The following PRR20G variants were observed in gnomAD, a reference collection of about 807,000 sequenced individuals.
PRR20G encodes the protein proline rich 20G.
intron 2 of PRR20G, among the ~76,000 whole-genome samples, chr3:127,286,722 G>A (rs1235163575): frequency 6.6e-6 from 1 of 152,256 alleles, no homozygotes; most frequent in African/African-American, 2.4e-5. Context: ...TGGAGTGGCA[G>A]CTGGGAGGTG....
At position 127,284,131 on chromosome 3, in the gene PRR20G, A is replaced by G. The variant is rs9858829; in HGVS notation, c.562T>C (p.Cys188Arg). 0.83 allele frequency: 126,181 copies of G among 152,300 alleles called. 52,507 individuals are homozygous for G. The highest frequency in any genetic ancestry group is 0.9 in the African/African-American group (37,397 of 41,492). The allele number at this position is 152,300 out of a possible 1,614,324, so 9.4% of individuals were successfully genotyped here. Reference protein sequence around the residue: ...FRPPGGSSTLCIVQTSNSTIV... With the variant: ...FRPPGGSSTLRIVQTSNSTIV... ...GTGCTATTAGAGGTCTGCACGATGC[A>G]CAAAGTAGATGAGCCACCCGGAGGC... is the stretch of plus-strand genomic sequence containing the variant. Residue 188 changes from cysteine to arginine, a missense_variant, in exon 3 of 3, where the codon TGC becomes CGC. Transcript: ENST00000465482.
intron 2 of PRR20G, among the ~76,000 whole-genome samples, chr3:127,285,380 C>T (rs2080382077): frequency 6.6e-6 from 1 of 151,916 alleles, no homozygotes; most frequent in Non-Finnish European, 1.5e-5. Context: ...TTCCAGGTGA[C>T]AGGGGGGCCG....
At chr3:127,287,498 G>A (rs1414905707) in intron 1 of PRR20G, among the ~76,000 whole-genome samples, 126 bp from the exon 2 acceptor site, 1 of 152,192 alleles carries the variant, frequency 6.6e-6, no homozygotes, top group Non-Finnish European at 1.5e-5. Flanking sequence ...GCCGCTCGCG[G>A]GTCTCAGAGC....
Position 127,283,905 on chromosome 3 carries a change from T to C in PRR20G, c.*155A>G, listed in dbSNP as rs953800277. On this transcript the variant is annotated 3_prime_UTR_variant, in exon 3 of 3. Transcript: ENST00000465482. ...AGCAGATGGACTACTGTCAGGATCC[T>C]GGGAGGAGGACTTGGAGGCTCATGA... is the stretch of plus-strand genomic sequence containing the variant. Among the ~76,000 whole-genome samples the C allele has an allele frequency of 6.6e-6, 1 of 152,082 alleles. No individual in the cohort carries two copies. The highest frequency in any genetic ancestry group is 6.5e-5 in the Admixed American group (1 of 15,268).
At chr3:127,285,676 C>T (rs1277644276) in intron 2 of PRR20G, among the ~76,000 whole-genome samples, 4 of 152,156 alleles carry the variant, frequency 2.6e-5, no homozygotes, top group Non-Finnish European at 4.4e-5. Context: ...TCTGTGGAAC[C>T]CAATCAACAA....
At chr3:127,287,444 C>G (rs891302367) in intron 1 of PRR20G, among the ~76,000 whole-genome samples, 72 bp from the exon 2 acceptor site, 1 of 152,170 alleles carries the variant, frequency 6.6e-6, no homozygotes, top group Non-Finnish European at 1.5e-5. Context: ...CCAAGCGTCA[C>G]GCAGCGATGC....
At chr3:127,286,335 T>C (rs2080387239) in intron 2 of PRR20G, among the ~76,000 whole-genome samples, 1 of 152,332 alleles carries the variant, frequency 6.6e-6, no homozygotes, top group South Asian at 2.1e-4. Flanking sequence ...CACCCAAAAT[T>C]TGATATCCAA....
Position 127,285,510 on chromosome 3 carries a change from G to T in PRR20G, c.53-870C>A, listed in dbSNP as rs563091774. ...AGCAATGGAACAGAACAGGAAGTCC[G>T]AAACTAGACAAACGTCTACAGAAAT... On this transcript the variant is annotated intron_variant, in intron 2 of 2. Transcript: ENST00000465482. 1.1e-3 allele frequency among the ~76,000 whole-genome samples: 164 copies of T among 152,276 alleles called. 3 individuals are homozygous for T. The highest frequency in any genetic ancestry group is 1.5e-3 in the Non-Finnish European group (101 of 68,020).
rs1274044746 is a variant in PRR20G at position 127,287,868 on chromosome 3, C to T, written c.-8+11G>A. On this transcript the variant is annotated intron_variant, in intron 1 of 2. Transcript: ENST00000465482. ...ACTCTACCCACCCCTCAGGGACACC[C>T]AGACACACACCTGATCTCCCTGCAG... Among the ~76,000 whole-genome samples, 1 of 152,180 alleles carries T rather than the reference C, an allele frequency of 6.6e-6. No individual in the cohort carries two copies. Among genetic ancestry groups the T allele is most frequent in the Non-Finnish European group, 1.5e-5 (1 of 68,020 alleles).
chr3:127,287,522 C>T (rs2080393338), intron 1 of PRR20G, among the ~76,000 whole-genome samples, 150 bp from the exon 2 acceptor site: 1 of 152,172 alleles, frequency 6.6e-6, no homozygotes, highest in Non-Finnish European at 1.5e-5. Context: ...TGCACTGAGC[C>T]CGCGGGGCGC....
At chr3:127,285,613 C>T (rs1166794024) in intron 2 of PRR20G, among the ~76,000 whole-genome samples, 1 of 152,134 alleles carries the variant, frequency 6.6e-6, no homozygotes, top group East Asian at 1.9e-4. Flanking sequence ...AAGAAAAAGT[C>T]CCAAGAAACT....
Position 127,284,269 on chromosome 3 carries a change from C to G in PRR20G, c.424G>C (p.Gly142Arg), listed in dbSNP as rs555530006. Residue 142 changes from glycine (G) to arginine (R), a missense_variant, in exon 3 of 3, where the codon GGC (glycine) becomes CGC (arginine). Physicochemically the swap from Gly to Arg is moderately radical, Grantham distance 125. Coordinates refer to ENST00000465482, the MANE Select transcript of PRR20G (RefSeq NM_001362810.2). ...LMPGIVQEGP[G>R]PHAAQPEVGL... ...ACCTCAGGCTGGGCTGCATGGGGGC[C>G]GGGGCCTTCCTGCACAATTCCAGGC... 6.6e-6 allele frequency: 1 copy of G among 152,246 alleles called. No homozygotes were observed. The highest frequency in any genetic ancestry group is 1.5e-5 in the Non-Finnish European group (1 of 68,134). 9.4% of individuals were successfully genotyped at this position (152,246 alleles called of 1,614,324 possible). A position where few individuals can be genotyped will look rare whatever the true frequency, so the allele number is the denominator to read the frequency against.
chr3:127,285,620 A>T (rs2080383353), intron 2 of PRR20G, among the ~76,000 whole-genome samples: 1 of 152,154 alleles, frequency 6.6e-6, no homozygotes, highest in African/African-American at 2.4e-5. Flanking sequence ...AGTCCCAAGA[A>T]ACTGACATCT....
intron 2 of PRR20G, among the ~76,000 whole-genome samples, chr3:127,286,391 C>G (rs1311392885): frequency 6.6e-6 from 1 of 151,310 alleles, no homozygotes; most frequent in African/African-American, 2.5e-5. Context: ...TGCAGACAAG[C>G]AAGATCTTAA....
Position 127,288,032 on chromosome 3 carries a change from G to A in PRR20G, c.-161C>T, listed in dbSNP as rs144948538. Among the ~76,000 whole-genome samples, 2 of 152,080 alleles carry A rather than the reference G, an allele frequency of 1.3e-5. No homozygotes were observed. The highest frequency in any genetic ancestry group is 1.5e-5 in the Non-Finnish European group (1 of 68,024). On this transcript the variant is annotated 5_prime_UTR_variant, in exon 1 of 3. Transcript: ENST00000465482. ...ACCCAGCAGTCCTAGTTCGGAGCCC[G>A]GCAGAAAGCTGACTGCTCGCGGTTA...
chr3:127,287,897 G>A lies in PRR20G; in HGVS notation c.-26C>T, dbSNP rs970102171. Among the ~76,000 whole-genome samples the A allele has an allele frequency of 5.3e-5, 8 of 152,060 alleles. No individual in the cohort carries two copies. The highest frequency in any genetic ancestry group is 4.4e-5 in the Non-Finnish European group (3 of 68,028). On this transcript the variant is annotated 5_prime_UTR_variant, in exon 1 of 3. Transcript: ENST00000465482. The stretch of plus-strand genomic sequence containing the variant: ...CACACACCTGATCTCCCTGCAGCTG[G>A]CTCTCTTCTATGGGGAGAGGCCTGA...
chr3:127,285,719 T>C (rs9847549), intron 2 of PRR20G, among the ~76,000 whole-genome samples: 71,308 of 151,982 alleles, frequency 0.47, 17,256 homozygotes, highest in East Asian at 0.7. Context: ...TCCCAACAGC[T>C]TCTTCTGGGT....
chr3:127,286,188 G>C (rs939003713), intron 2 of PRR20G, among the ~76,000 whole-genome samples: 2 of 152,164 alleles, frequency 1.3e-5, no homozygotes, highest in African/African-American at 2.4e-5. Context: ...CAGAGAGGGA[G>C]AAAGAGAAAG....
intron 2 of PRR20G, among the ~76,000 whole-genome samples, chr3:127,285,442 T>C (rs1258259875): frequency 6.6e-6 from 1 of 151,966 alleles, no homozygotes; most frequent in East Asian, 1.9e-4. Context: ...AGCTATAAGC[T>C]AGTTTGGCAG....
Sources: allele counts gnomAD v4.1 joint callset (sites outside exome capture counted in the v4.1 genomes callset), GRCh38; gene constraint gnomAD v4.1.1; transcripts MANE v1.5; gene names NCBI Gene and HGNC (gene_info 2026-07-23, HGNC 2026-07-21).